MED12L: variants seen among roughly 807,000 people sequenced by gnomAD.
The protein encoded by MED12L is mediator of RNA polymerase II transcription subunit 12-like protein.
Under a neutral mutation model 281.3 loss-of-function variants are expected in MED12L, and 60 were observed. The observed-to-expected ratio is 0.21, with a 90% CI of 0.17 to 0.26. MED12L has a LOEUF of 0.26. MED12L is among the 10% of genes least tolerant of loss of function. The pLI is 1.00. For missense variants in MED12L, 2,146 were observed against 2,680.9 expected, an observed-to-expected ratio of 0.80 and a Z score of 4.41; for synonymous variants, 974 against 987.2, an observed-to-expected ratio of 0.99 and a Z score of 0.25.
chr3:151,158,664 T>A (rs1301879581), intron 6 of MED12L, 25 bp from the exon 7 acceptor site: 1 of 1,479,992 alleles, frequency 6.8e-7, no homozygotes, highest in Non-Finnish European at 9.4e-7. Context: ...ACATTATTAA[T>A]GTAATTTTTC....
chr3:151,377,746 AG>A (rs753019240), intron 30 of MED12L, among the ~76,000 whole-genome samples: 1 of 152,144 alleles, frequency 6.6e-6, no homozygotes, highest in Non-Finnish European at 1.5e-5. Context: ...AATTAGAGAG[AG>A]GGGGTCATCG....
chr3:151,350,326 T>A, intron 17 of MED12L, 120 bp downstream of exon 17: 2 of 882,140 alleles, frequency 2.3e-6, no homozygotes, highest in Non-Finnish European at 1.6e-6. Context: ...TGAATGACTC[T>A]CACATTGAAA....
chr3:151,293,576 TACACACACACACACACACAC>T (rs55846173), intron 16 of MED12L, among the ~76,000 whole-genome samples: 11 of 76,226 alleles, frequency 1.4e-4, no homozygotes, highest in East Asian at 1.3e-3. Context: ...ATGAAGCCCT[TACACACACACACACACACAC>T]ACACACACAC....
At position 151,390,265 on chromosome 3, in the gene MED12L, T is replaced by A; in HGVS notation, c.5608+130T>A. Reference sequence around the variant, plus strand: ...AGTGCTCAGTTGACATTTCTGTAATTCCCTTCACACAGAAATGTTTTTTGT... The same window carrying A: ...AGTGCTCAGTTGACATTTCTGTAATACCCTTCACACAGAAATGTTTTTTGT... On this transcript the variant is annotated intron_variant, in intron 38 of 44. Transcript: ENST00000687756. 3.6e-6 allele frequency: 3 copies of A among 831,172 alleles called. No homozygotes were observed. In the South Asian group the frequency reaches 5.3e-5, roughly 15 times the overall value. 51.5% of individuals were successfully genotyped at this position (831,172 alleles called of 1,614,324 possible). A position where few individuals can be genotyped will look rare whatever the true frequency, so the allele number is the denominator to read the frequency against.
chr3:151,281,529 T>G (rs1742811022), intron 16 of MED12L, among the ~76,000 whole-genome samples: 2 of 152,174 alleles, frequency 1.3e-5, no homozygotes. Flanking sequence ...GACATTATAA[T>G]TAAAATAATA....
chr3:151,426,929 CACATCAGCCTCCT>C (rs1258822685), intron 43 of MED12L, among the ~76,000 whole-genome samples: 1 of 151,840 alleles, frequency 6.6e-6, no homozygotes, highest in African/African-American at 2.4e-5. Flanking sequence ...GTGATCCTCC[CACATCAGCCTCCT>C]AAATAGCTGA....
intron 16 of MED12L, among the ~76,000 whole-genome samples, chr3:151,226,052 G>A (rs1730433265): frequency 6.6e-6 from 1 of 152,170 alleles, no homozygotes. Context: ...AACACATCAG[G>A]GAACTCTCAG....
chr3:151,181,576 CTTTTTTTTTTTTTT>C (rs57658133), intron 11 of MED12L, among the ~76,000 whole-genome samples: 46 of 47,098 alleles, frequency 9.8e-4, no homozygotes, highest in Non-Finnish European at 1.7e-3. Flanking sequence ...AGCTCATTGT[CTTTTTTTTTTTTTT>C]TTTTTTTTTT....
chr3:151,218,025 C>G lies in MED12L; in HGVS notation c.2250+24359C>G, dbSNP rs1034437503. Among the ~76,000 whole-genome samples the G allele has an allele frequency of 3.3e-5, 5 of 152,138 alleles. No homozygotes were observed. The East Asian group carries it at 9.6e-4, about 29-fold the overall frequency. On this transcript the variant is annotated intron_variant, in intron 16 of 44. Coordinates refer to ENST00000687756, the MANE Select transcript of MED12L (RefSeq NM_001393769.1). ...TAAAAAAGACATGCATCATTTGGAC[C>G]TCGTGATATCTACTCAGTCTCCTCT...
In MED12L at chr3:151,394,852, T is replaced by G. The variant is rs963275669; in HGVS notation, c.5805T>G (p.Thr1935=). 6.2e-7 allele frequency: 1 copy of G among 1,614,064 alleles called. No homozygotes were observed. Among genetic ancestry groups the G allele is most frequent in the Non-Finnish European group, 8.5e-7 (1 of 1,180,026 alleles). ...QQQRLLRQAQ[T]RPFQQGQPGD... ...AGCGACTTCTCAGGCAAGCCCAGACTCGGCCTTTCCAACAGGTTTGTCCAG... is the reference window on the plus strand; with the variant it reads ...AGCGACTTCTCAGGCAAGCCCAGACGCGGCCTTTCCAACAGGTTTGTCCAG... The change falls in exon 39 of 45, where the codon ACT becomes ACG. Residue 1935 remains threonine (T), a synonymous_variant. Coordinates refer to ENST00000687756, the MANE Select transcript of MED12L (RefSeq NM_001393769.1).
chr3:151,236,406 T>C (rs2149352857), intron 16 of MED12L, among the ~76,000 whole-genome samples: 1 of 152,330 alleles, frequency 6.6e-6, no homozygotes, highest in East Asian at 1.9e-4. Flanking sequence ...CAGGAAGCAT[T>C]CTTGTTATGC....
At chr3:151,183,027 C>T (rs1437441611) in intron 11 of MED12L, among the ~76,000 whole-genome samples, 1 of 152,114 alleles carries the variant, frequency 6.6e-6, no homozygotes, top group Non-Finnish European at 1.5e-5. Flanking sequence ...ATATGATTTC[C>T]ACTATGTTTA....
chr3:151,344,505 A>G (rs573060093), intron 16 of MED12L, among the ~76,000 whole-genome samples: 39 of 152,306 alleles, frequency 2.6e-4, no homozygotes, highest in African/African-American at 9.1e-4. Context: ...GAGTTATTTA[A>G]TAAGCTAAAA....
At chr3:151,399,885 G>C (rs182008734) in intron 39 of MED12L, among the ~76,000 whole-genome samples, 6 of 151,342 alleles carry the variant, frequency 4.0e-5, no homozygotes, top group African/African-American at 1.5e-4. Flanking sequence ...GGAGTGCAGC[G>C]GCCTAATCTC....
chr3:151,372,512 TATTTGGCAATATTTTGAACTTCTGTG>T, intron 26 of MED12L, 29 bp from the exon 27 acceptor site: 1 of 1,323,514 alleles, frequency 7.6e-7, no homozygotes. Context: ...GCTCCTCAAT[TATTTGGCAATATTTTGAACTTCTGTG>T]ATTTTGCTTT....
intron 5 of MED12L, among the ~76,000 whole-genome samples, chr3:151,138,980 T>TCTACCTACCTACCTACCTAC (rs374854260): frequency 8.1e-4 from 116 of 143,000 alleles, no homozygotes; most frequent in African/African-American, 2.5e-3. Context: ...TTGTCTCTTA[T>TCTACCTACCTACCTACCTAC]CTACCTACCT....
chr3:151,091,304 C>T (rs1043547777), intron 2 of MED12L, among the ~76,000 whole-genome samples: 2 of 152,060 alleles, frequency 1.3e-5, no homozygotes, highest in African/African-American at 4.8e-5. Context: ...ATGCGGATAT[C>T]CCAGAGTGGT....
At chr3:151,187,530 T>C (rs1238812176) in intron 12 of MED12L, among the ~76,000 whole-genome samples, 2 of 152,228 alleles carry the variant, frequency 1.3e-5, no homozygotes, top group Admixed American at 6.5e-5. Flanking sequence ...AATAATGATA[T>C]TCTTAACATA....
chr3:151,216,979 A>G (rs1576999528), intron 16 of MED12L, among the ~76,000 whole-genome samples: 1 of 151,788 alleles, frequency 6.6e-6, no homozygotes, highest in Non-Finnish European at 1.5e-5. Context: ...AAGCCACACA[A>G]CCCCCCAGCG....
Sources: allele counts gnomAD v4.1 joint callset (sites outside exome capture counted in the v4.1 genomes callset), GRCh38; gene constraint gnomAD v4.1.1; transcripts MANE v1.5; gene names NCBI Gene and HGNC (gene_info 2026-07-23, HGNC 2026-07-21).